Variants in TOX3 observed in about 807,000 individuals in gnomAD.
TOX3 encodes the protein TOX high mobility group box family member 3, also known as CAG trinucleotide repeat-containing gene F9 protein.
A neutral mutation model predicts 64.3 loss-of-function variants in TOX3; 22 were observed. The observed-to-expected ratio is 0.34, with a 90% confidence interval of 0.24 to 0.49. The LOEUF is 0.49. TOX3 is among the 20% of genes least tolerant of loss of function. The pLI, the probability that TOX3 is intolerant of heterozygous loss-of-function variation, is 0.99. For missense variants in TOX3, 661 were observed against 714.4 expected (o/e 0.93, Z 0.85); for synonymous variants, 291 against 273.6 (o/e 1.06, Z -0.63).
intron 1 of TOX3, among the ~76,000 whole-genome samples, chr16:52,492,799 T>A (rs1020083691): frequency 6.6e-6 from 1 of 151,230 alleles, no homozygotes; most frequent in Non-Finnish European, 1.5e-5. Context: ...ATTTGCAGGA[T>A]GATGAAAAGC....
chr16:52,513,770 T>C (rs1297031826), intron 1 of TOX3, among the ~76,000 whole-genome samples: 2 of 152,202 alleles, frequency 1.3e-5, no homozygotes, highest in Non-Finnish European at 2.9e-5. Context: ...ATTTGACTCA[T>C]TAAAAATAAA....
chr16:52,443,465 A>G (rs1459096757), intron 6 of TOX3, among the ~76,000 whole-genome samples: 1 of 152,212 alleles, frequency 6.6e-6, no homozygotes, highest in Non-Finnish European at 1.5e-5. Context: ...AGGTGAAAAG[A>G]GAAAAAAAGG....
intron 1 of TOX3, among the ~76,000 whole-genome samples, chr16:52,493,992 A>G (rs551586575): frequency 6.6e-6 from 1 of 152,140 alleles, no homozygotes; most frequent in Non-Finnish European, 1.5e-5. Flanking sequence ...GAGAACAGAT[A>G]TTTTCTGACT....
At chr16:52,498,897 T>G (rs771990765) in intron 1 of TOX3, among the ~76,000 whole-genome samples, 19 of 152,204 alleles carry the variant, frequency 1.2e-4, no homozygotes, top group Admixed American at 8.5e-4. Flanking sequence ...TTATCACAGA[T>G]GTAGAAATGC....
chr16:52,457,765 G>A (rs1960563381), intron 3 of TOX3, among the ~76,000 whole-genome samples: 1 of 152,050 alleles, frequency 6.6e-6, no homozygotes, highest in Admixed American at 6.6e-5. Flanking sequence ...ACACAGTAAT[G>A]CCAAATGCAT....
At position 52,437,813 on chromosome 16, in the gene TOX3, A is replaced by G. The variant is rs1003059860; in HGVS notation, c.*1412T>C. 3.2e-5 allele frequency among the ~76,000 whole-genome samples: 4 copies of G among 124,802 alleles called. No homozygotes were observed. The highest frequency in any genetic ancestry group is 6.9e-5 in the Non-Finnish European group (4 of 58,302). 81.9% of individuals were successfully genotyped at this position (124,802 alleles called of 152,430 possible). On this transcript the variant is annotated 3_prime_UTR_variant, in exon 7 of 7. Transcript: ENST00000219746. ...TTAAAAAAAAAAAAAAAAAAAAAAA[A>G]GACAATTACACAAATATTTCCAATG...
chr16:52,526,806 G>T (rs1458897184), intron 1 of TOX3, among the ~76,000 whole-genome samples: 1 of 152,226 alleles, frequency 6.6e-6, no homozygotes, highest in Admixed American at 6.5e-5. Flanking sequence ...TTCTTGGAAT[G>T]TGTTCTTTTA....
rs573864044 is a variant in TOX3, at chr16:52,463,788, A to C, written c.408+146T>G. The C allele has an allele frequency of 1.8e-5, 17 of 947,028 alleles. No homozygotes were observed. In the Admixed American group the frequency reaches 5.8e-4, roughly 32 times the overall value. 58.7% of individuals were successfully genotyped at this position (947,028 alleles called of 1,614,324 possible). A position where few individuals can be genotyped will look rare whatever the true frequency, so the allele number is the denominator to read the frequency against. ...AATACCCCTTTGTTCAATACCAGGC[A>C]GCGATCCAGTACCTGCATGTAAATA... On this transcript the variant is annotated intron_variant, in intron 3 of 6. Coordinates refer to ENST00000219746, the MANE Select transcript of TOX3 (RefSeq NM_001080430.4).
At chr16:52,539,984 C>G (rs976348835) in intron 1 of TOX3, among the ~76,000 whole-genome samples, 20 of 152,144 alleles carry the variant, frequency 1.3e-4, no homozygotes, top group African/African-American at 4.8e-4. Flanking sequence ...TGGCATCCTA[C>G]TCCCGGTCTC....
chr16:52,485,254 A>ATATG (rs1961495425), intron 1 of TOX3, among the ~76,000 whole-genome samples: 4 of 141,930 alleles, frequency 2.8e-5, no homozygotes, highest in African/African-American at 8.3e-5. Flanking sequence ...GTGTATATAT[A>ATATG]TATATATATA....
At position 52,537,402 on chromosome 16, in the gene TOX3, G is replaced by C. The variant is rs1026735801; in HGVS notation, c.87+9235C>G. 7.8e-4 allele frequency among the ~76,000 whole-genome samples: 119 copies of C among 152,276 alleles called. 1 individual carries two copies. The highest frequency in any genetic ancestry group is 2.8e-3 in the African/African-American group (116 of 41,550). ...CATCCAATCTCAGCCTCAACAAGAA[G>C]GGCGTTCCTAATATAAACAATATTT... On this transcript the variant is annotated intron_variant, in intron 1 of 6. Coordinates refer to ENST00000219746, the MANE Select transcript of TOX3 (RefSeq NM_001080430.4).
At chr16:52,518,920 T>C (rs2151477325) in intron 1 of TOX3, among the ~76,000 whole-genome samples, 1 of 151,834 alleles carries the variant, frequency 6.6e-6, no homozygotes, top group African/African-American at 2.4e-5. Flanking sequence ...GCAAATCATT[T>C]CAATTTTTTC....
chr16:52,463,060 T>C (rs1316555566), intron 3 of TOX3, among the ~76,000 whole-genome samples: 5 of 152,182 alleles, frequency 3.3e-5, no homozygotes, highest in African/African-American at 1.2e-4. Flanking sequence ...ACTGGCATGG[T>C]CCTAATGTGC....
intron 4 of TOX3, 123 bp downstream of exon 4, chr16:52,450,154 T>C (rs1318802150): frequency 2.6e-6 from 3 of 1,150,068 alleles, no homozygotes; most frequent in African/African-American, 3.1e-5. Context: ...CAAACCATCA[T>C]ACATTTAAAT....
At chr16:52,460,553 A>G (rs1277021896) in intron 3 of TOX3, among the ~76,000 whole-genome samples, 2 of 152,162 alleles carry the variant, frequency 1.3e-5, no homozygotes, top group African/African-American at 4.8e-5. Context: ...TATGGTAATT[A>G]TGAGGATGAA....
chr16:52,502,733 G>C (rs931114302), intron 1 of TOX3, among the ~76,000 whole-genome samples: 2 of 152,216 alleles, frequency 1.3e-5, no homozygotes, highest in African/African-American at 4.8e-5. Flanking sequence ...ATCCTAAAGA[G>C]CAATGAACCC....
At chr16:52,457,074 G>A (rs1029122514) in intron 3 of TOX3, among the ~76,000 whole-genome samples, 1 of 152,094 alleles carries the variant, frequency 6.6e-6, no homozygotes, top group East Asian at 1.9e-4. Flanking sequence ...GATAAAACTT[G>A]CTCTAATTTC....
chr16:52,532,209 T>C (rs912386434), intron 1 of TOX3, among the ~76,000 whole-genome samples: 5 of 152,212 alleles, frequency 3.3e-5, no homozygotes, highest in African/African-American at 1.2e-4. Flanking sequence ...TGTCTATCCA[T>C]GCCCTTCTGT....
chr16:52,532,446 A>G (rs1481787730), intron 1 of TOX3, among the ~76,000 whole-genome samples: 1 of 152,196 alleles, frequency 6.6e-6, no homozygotes, highest in Admixed American at 6.5e-5. Context: ...TACATGCCAG[A>G]GAACTGAGGG....
Sources: allele counts gnomAD v4.1 joint callset (sites outside exome capture counted in the v4.1 genomes callset), GRCh38; gene constraint gnomAD v4.1.1; transcripts MANE v1.5; gene names NCBI Gene and HGNC (gene_info 2026-07-23, HGNC 2026-07-21).